Variants in VPS26A observed in about 807,000 individuals in gnomAD.
The protein encoded by VPS26A is VPS26 retromer complex component A.
A neutral mutation model predicts 42.4 loss-of-function variants in VPS26A; 22 were observed. That is an observed-to-expected ratio of 0.52 (90% CI 0.37 to 0.74). The LOEUF is 0.74. Among genes scored for constraint, VPS26A ranks in the 30% least tolerant of loss-of-function variants. The probability of loss-of-function intolerance (pLI) is 0.00; values close to 1 mark genes in which losing one functional copy is unlikely to be tolerated. For missense variants in VPS26A, 276 were observed against 379.2 expected, an observed-to-expected ratio of 0.73 and a Z score of 2.26; for synonymous variants, 110 against 123.5, an observed-to-expected ratio of 0.89 and a Z score of 0.73.
At chr10:69,163,530 T>C (rs1841609472) in intron 6 of VPS26A, among the ~76,000 whole-genome samples, 1 of 152,172 alleles carries the variant, frequency 6.6e-6, no homozygotes, top group Non-Finnish European at 1.5e-5. Flanking sequence ...CATATTCTCA[T>C]GAGCACAATG....
chr10:69,154,152 A>C (rs1191394627), intron 2 of VPS26A, among the ~76,000 whole-genome samples: 1 of 152,218 alleles, frequency 6.6e-6, no homozygotes. Context: ...AGAGAAGAAG[A>C]GTGTTATCAA....
At chr10:69,146,620 T>C (rs1841166714) in intron 2 of VPS26A, among the ~76,000 whole-genome samples, 1 of 152,244 alleles carries the variant, frequency 6.6e-6, no homozygotes, top group African/African-American at 2.4e-5. Flanking sequence ...TGTCCGTTTC[T>C]ATGAATTTGC....
intron 2 of VPS26A, among the ~76,000 whole-genome samples, chr10:69,139,332 C>T (rs193126040): frequency 6.2e-4 from 95 of 152,132 alleles, no homozygotes; most frequent in African/African-American, 2.2e-3. Flanking sequence ...GAGATGGAGT[C>T]TTGCTCTGTC....
At chr10:69,152,910 C>T (rs1841346854) in intron 2 of VPS26A, among the ~76,000 whole-genome samples, 2 of 150,604 alleles carry the variant, frequency 1.3e-5, no homozygotes, top group African/African-American at 4.9e-5. Flanking sequence ...GCAGAGCTTG[C>T]AGTGAGCCAA....
rs1332044718 is a variant in VPS26A, at chr10:69,145,588, G to A, written c.154-10224G>A. Among the ~76,000 whole-genome samples the A allele has an allele frequency of 2.0e-5, 3 of 152,100 alleles. No individual in the cohort carries two copies. The East Asian group carries it at 5.8e-4, about 29-fold the overall frequency. ...CTGTATGGATAGCTAATGAACCCAG[G>A]ATGTATATTGAAGAAGCCATCCTTT... On this transcript the variant is annotated intron_variant, in intron 2 of 8. Coordinates refer to ENST00000263559, the MANE Select transcript of VPS26A (RefSeq NM_004896.5).
chr10:69,171,095 C>A, intron 8 of VPS26A, 61 bp from the exon 9 acceptor site: 1 of 1,298,986 alleles, frequency 7.7e-7, no homozygotes, highest in Non-Finnish European at 1.1e-6. Context: ...AAGTGGCAAT[C>A]AATAGAGATA....
intron 2 of VPS26A, among the ~76,000 whole-genome samples, chr10:69,145,163 G>A (rs1841129428): frequency 1.7e-5 from 1 of 58,682 alleles, no homozygotes; most frequent in Non-Finnish European, 7.2e-5. Flanking sequence ...AGCCTCCTGA[G>A]TAGCTGGATT....
Position 69,145,255 on chromosome 10 carries a change from G to A in VPS26A, c.154-10557G>A, listed in dbSNP as rs146494655. 1.6e-4 allele frequency among the ~76,000 whole-genome samples: 24 copies of A among 152,030 alleles called. No individual in the cohort carries two copies. In the East Asian group the frequency reaches 4.6e-3, roughly 29 times the overall value. ...TCACCATATTGGCCAGGCTGGTCAC[G>A]AACTCATGACCTCAGGTGATCCACA... On this transcript the variant is annotated intron_variant, in intron 2 of 8. Coordinates refer to ENST00000263559, the MANE Select transcript of VPS26A (RefSeq NM_004896.5).
intron 2 of VPS26A, among the ~76,000 whole-genome samples, chr10:69,137,580 C>T (rs1481129957): frequency 6.6e-6 from 1 of 152,152 alleles, no homozygotes; most frequent in Non-Finnish European, 1.5e-5. Flanking sequence ...ATCACTCTGA[C>T]ATTCATCTTC....
At chr10:69,150,478 G>A (rs1194738444) in intron 2 of VPS26A, among the ~76,000 whole-genome samples, 1 of 152,112 alleles carries the variant, frequency 6.6e-6, no homozygotes, top group East Asian at 1.9e-4. Context: ...CTCACTGCAA[G>A]CTCCACCTCC....
Position 69,151,276 on chromosome 10 carries a change from A to AAAAAAAAAAAAAAAAAAAAAAAAAAAG in VPS26A, c.154-4529_154-4528insAAAAAAAAAAAAAAAAAAAGAAAAAAA, listed in dbSNP as rs1554854511. ...TGAGACTCCATGTCAAAAAAAAAAA[A>AAAAAAAAAAAAAAAAAAAAAAAAAAAG]AAAAAAACACACACACACACACAAT... On this transcript the variant is annotated intron_variant, in intron 2 of 8. Transcript: ENST00000263559. Among the ~76,000 whole-genome samples the AAAAAAAAAAAAAAAAAAAAAAAAAAAG allele has an allele frequency of 2.9e-5, 2 of 69,030 alleles. 1 individual carries two copies. The highest frequency in any genetic ancestry group is 8.0e-5 in the African/African-American group (2 of 25,088). 45.3% of individuals were successfully genotyped at this position (69,030 alleles called of 152,430 possible).
rs1453616022 is a variant in VPS26A, at chr10:69,174,096, T to TC, written c.*2832dup. On this transcript the variant is annotated 3_prime_UTR_variant, in exon 9 of 9. Transcript: ENST00000263559. ...AGCCAGCAGCGGCAACCGGCTCGGG[T>TC]CCCCCTCCATACTGTGGAAGCTCTG... Among the ~76,000 whole-genome samples the TC allele has an allele frequency of 6.6e-6, 1 of 152,088 alleles. No individual in the cohort carries two copies. Among genetic ancestry groups the TC allele is most frequent in the Non-Finnish European group, 1.5e-5 (1 of 68,006 alleles).
chr10:69,150,099 C>T (rs1374709429), intron 2 of VPS26A, among the ~76,000 whole-genome samples: 4 of 151,452 alleles, frequency 2.6e-5, no homozygotes, highest in Admixed American at 1.3e-4. Flanking sequence ...GAGTCTTACT[C>T]TGTCATCCAG....
rs1055327937 is a variant in VPS26A, at chr10:69,150,809, A to G, written c.154-5003A>G. 6.6e-5 allele frequency among the ~76,000 whole-genome samples: 10 copies of G among 152,318 alleles called. No individual in the cohort carries two copies. The South Asian group carries it at 2.1e-3, about 32-fold the overall frequency. ...AAAGTATATATATGCATGCCCATAT[A>G]TATGTAGAGAGATGATGATAAAGCA... is the stretch of plus-strand genomic sequence containing the variant. On this transcript the variant is annotated intron_variant, in intron 2 of 8. Coordinates refer to ENST00000263559, the MANE Select transcript of VPS26A (RefSeq NM_004896.5).
intron 2 of VPS26A, chr10:69,133,479 T>C (rs1007174276): frequency 1.3e-5 from 14 of 1,039,406 alleles, no homozygotes; most frequent in African/African-American, 3.4e-5. Context: ...TTACATTCTT[T>C]GTAACTTACC....
At position 69,155,831 on chromosome 10, in the gene VPS26A, A is replaced by T; in HGVS notation, c.173A>T (p.Gln58Leu). 1 of 1,612,494 alleles carries T rather than the reference A, an allele frequency of 6.2e-7. No homozygotes were observed. The highest frequency in any genetic ancestry group is 1.7e-5 in the Admixed American group (1 of 59,862). Residue 58 changes from glutamine to leucine, a missense_variant, in exon 3 of 9, where the codon CAA (glutamine) becomes CTA (leucine). Physicochemically the swap from Gln to Leu is moderately radical, Grantham distance 113 (BLOSUM62 -2). Transcript: ENST00000263559. ...TGGCAGGTAAACCTAGCCTTTAAGCAACCTGGAAAGAGGCTAGAACACCAA... is the reference window on the plus strand; with the variant it reads ...TGGCAGGTAAACCTAGCCTTTAAGCTACCTGGAAAGAGGCTAGAACACCAA... Reference protein sequence around the residue: ...VSGKVNLAFKQPGKRLEHQGI... With the variant: ...VSGKVNLAFKLPGKRLEHQGI...
chr10:69,136,544 C>T (rs1010920145), intron 2 of VPS26A, among the ~76,000 whole-genome samples: 3 of 152,134 alleles, frequency 2.0e-5, no homozygotes, highest in Admixed American at 6.5e-5. Flanking sequence ...TGCTGGATTA[C>T]AGGCGTGAGC....
chr10:69,154,104 A>G (rs185275763), intron 2 of VPS26A, among the ~76,000 whole-genome samples: 250 of 152,350 alleles, frequency 1.6e-3, no homozygotes, highest in African/African-American at 5.4e-3. Context: ...ATGCCAAGCA[A>G]TGTGAAGTTG....
chr10:69,142,640 C>A (rs1470968850), intron 2 of VPS26A, among the ~76,000 whole-genome samples: 1 of 151,782 alleles, frequency 6.6e-6, no homozygotes, highest in Non-Finnish European at 1.5e-5. Context: ...ACATTTTAAA[C>A]CTCATATTTA....
Sources: gnomAD v4.1 joint callset for allele counts (sites outside exome capture counted in the v4.1 genomes callset) on GRCh38, gnomAD v4.1.1 for gene constraint, MANE v1.5 for transcripts, NCBI Gene and HGNC (gene_info 2026-07-23, HGNC 2026-07-21) for gene names.